PPP3CA: variants seen among roughly 807,000 people sequenced by gnomAD.
PPP3CA encodes protein phosphatase 3 catalytic subunit alpha.
PPP3CA carries 14 observed loss-of-function variants against 66.5 expected under a neutral mutation model. The observed-to-expected ratio is 0.21, with a 90% CI of 0.14 to 0.33. PPP3CA has a LOEUF of 0.33. PPP3CA is among the 10% of genes least tolerant of loss of function. The pLI is 1.00. For synonymous variants in PPP3CA, 232 were observed against 226.2 expected (o/e 1.03, Z -0.23); for missense variants, 317 against 639.5 (o/e 0.50, Z 5.44).
At chr4:101,118,577 G>A (rs922083163) in intron 2 of PPP3CA, among the ~76,000 whole-genome samples, 4 of 151,396 alleles carry the variant, frequency 2.6e-5, no homozygotes, top group African/African-American at 9.7e-5. Flanking sequence ...GTTTTTATGT[G>A]TATTCCTCCT....
At chr4:101,203,437 G>A (rs1260543049) in intron 1 of PPP3CA, among the ~76,000 whole-genome samples, 3 of 152,130 alleles carry the variant, frequency 2.0e-5, no homozygotes, top group Non-Finnish European at 4.4e-5. Context: ...GGAGGCTGCA[G>A]TGAGCCGAGT....
chr4:101,313,166 C>A (rs186832478), intron 1 of PPP3CA, among the ~76,000 whole-genome samples: 2 of 151,846 alleles, frequency 1.3e-5, no homozygotes, highest in African/African-American at 4.8e-5. Context: ...GTTTTTAATA[C>A]CACAAAACTG....
Position 101,061,106 on chromosome 4 carries a change from T to C in PPP3CA, c.1137A>G (p.Ser379=). ...TCTTACCATCAAATCCATCTTCTTC[T>C]GACCCTAGTTCATCATCTGAGCAGA... ...LNICSDDELG[S]EEDGFDGATA... Residue 379 remains serine, a synonymous_variant, in exon 10 of 14, where the codon TCA becomes TCG. Transcript: ENST00000394854. 6.2e-7 allele frequency: 1 copy of C among 1,612,118 alleles called. No homozygotes were observed. The highest frequency in any genetic ancestry group is 1.1e-5 in the South Asian group (1 of 91,056).
chr4:101,072,130 G>T (rs757410778), intron 8 of PPP3CA, among the ~76,000 whole-genome samples: 1 of 152,180 alleles, frequency 6.6e-6, no homozygotes, highest in Non-Finnish European at 1.5e-5. Context: ...TTTAAAGGGA[G>T]AAATGAATTA....
intron 2 of PPP3CA, among the ~76,000 whole-genome samples, chr4:101,137,951 T>C (rs1236917834): frequency 6.6e-6 from 1 of 151,926 alleles, no homozygotes; most frequent in Non-Finnish European, 1.5e-5. Context: ...GCAAGGACTT[T>C]GTCTTTATTA....
Position 101,330,327 on chromosome 4 carries a change from A to T in PPP3CA, c.58+16412T>A, listed in dbSNP as rs1392631169. 6.6e-6 allele frequency: 3 copies of T among 455,122 alleles called. No individual in the cohort carries two copies. In the East Asian group the frequency reaches 2.0e-4, roughly 31 times the overall value. The allele number at this position is 455,122 out of a possible 1,614,324, so 28.2% of individuals were successfully genotyped here. A position where few individuals can be genotyped will look rare whatever the true frequency, so the allele number is the denominator to read the frequency against. On this transcript the variant is annotated intron_variant, in intron 1 of 13. Transcript: ENST00000394854. Reference sequence around the variant, plus strand: ...TTAATGGATAAGGAGTTGCTTCTCAAGGATGAGCAAAGAAGATAGTTTCTT... The same window carrying T: ...TTAATGGATAAGGAGTTGCTTCTCATGGATGAGCAAAGAAGATAGTTTCTT...
intron 13 of PPP3CA, among the ~76,000 whole-genome samples, chr4:101,027,469 A>AGAT (rs1257943214): frequency 6.6e-6 from 1 of 152,168 alleles, no homozygotes; most frequent in African/African-American, 2.4e-5. Context: ...GAGAGGAATA[A>AGAT]GATGCGAAAA....
chr4:101,136,185 A>ATAAGAT (rs955610360), intron 2 of PPP3CA, among the ~76,000 whole-genome samples: 1 of 152,134 alleles, frequency 6.6e-6, no homozygotes. Context: ...TCTTCTTCCC[A>ATAAGAT]TTGACTTTGG....
intron 9 of PPP3CA, among the ~76,000 whole-genome samples, chr4:101,061,942 T>C (rs1439168055): frequency 2.0e-5 from 3 of 152,090 alleles, no homozygotes; most frequent in Admixed American, 2.0e-4. Context: ...TTTAAAGTAA[T>C]ATGCTATTTA....
chr4:101,095,493 T>G (rs747204662), intron 5 of PPP3CA, among the ~76,000 whole-genome samples: 1 of 152,140 alleles, frequency 6.6e-6, no homozygotes, highest in Non-Finnish European at 1.5e-5. Context: ...CTTAATGATA[T>G]GTATGAAAAT....
intron 10 of PPP3CA, among the ~76,000 whole-genome samples, chr4:101,057,757 C>G (rs1728289298): frequency 6.6e-6 from 1 of 152,166 alleles, no homozygotes; most frequent in South Asian, 2.1e-4. Context: ...ATCGTGAATG[C>G]ATAATGTATA....
intron 2 of PPP3CA, among the ~76,000 whole-genome samples, chr4:101,141,528 G>A (rs898874815): frequency 1.3e-5 from 2 of 152,054 alleles, no homozygotes; most frequent in Non-Finnish European, 2.9e-5. Flanking sequence ...CTTACCTCAC[G>A]TCCTTTGCAC....
chr4:101,215,742 A>T (rs1467178588), intron 1 of PPP3CA, among the ~76,000 whole-genome samples: 1 of 152,140 alleles, frequency 6.6e-6, no homozygotes, highest in African/African-American at 2.4e-5. Context: ...TTCTAATTTA[A>T]TAAAGCTAAT....
intron 1 of PPP3CA, among the ~76,000 whole-genome samples, chr4:101,246,205 G>A (rs907296542): frequency 5.3e-5 from 8 of 152,078 alleles, no homozygotes; most frequent in African/African-American, 1.9e-4. Context: ...CATGTAGTAG[G>A]GACTAAATGA....
chr4:101,032,340 C>T lies in PPP3CA; in HGVS notation c.1266G>A (p.Thr422=), dbSNP rs537834173. 60 of 1,613,150 alleles carry T rather than the reference C, an allele frequency of 3.7e-5. No homozygotes were observed. Among genetic ancestry groups the T allele is most frequent in the Admixed American group, 1.3e-4 (8 of 59,930 alleles). ...TGCCAGTTGGGGTCAAGCCTTTCAG[C>T]GTCAGCACACTCTCACTCTCTTCTC... ...VLREESESVL[T]LKGLTPTGML... The change falls in exon 12 of 14, where the codon ACG becomes ACA. Residue 422 remains threonine (T), a synonymous_variant. Transcript: ENST00000394854.
At chr4:101,206,676 T>C (rs1319348606) in intron 1 of PPP3CA, among the ~76,000 whole-genome samples, 1 of 152,222 alleles carries the variant, frequency 6.6e-6, no homozygotes, top group African/African-American at 2.4e-5. Context: ...CCATTGAGTG[T>C]CTAGTCCAGT....
intron 1 of PPP3CA, among the ~76,000 whole-genome samples, chr4:101,344,324 T>C (rs1729910787): frequency 1.3e-5 from 2 of 152,160 alleles, no homozygotes; most frequent in African/African-American, 4.8e-5. Context: ...TTATCTCAAA[T>C]AACTAATAAT....
chr4:101,037,098 T>C (rs994920985), intron 11 of PPP3CA, among the ~76,000 whole-genome samples: 2 of 152,174 alleles, frequency 1.3e-5, no homozygotes, highest in Non-Finnish European at 2.9e-5. Context: ...TACTTGTTCA[T>C]ACTGTGGGGT....
chr4:101,248,106 G>A (rs763493704), intron 1 of PPP3CA, among the ~76,000 whole-genome samples: 93 of 152,288 alleles, frequency 6.1e-4, no homozygotes, highest in African/African-American at 2.2e-3. Flanking sequence ...ACTATCTGTT[G>A]GTTGTTGGCA....
Sources: gnomAD v4.1 joint callset for allele counts (sites outside exome capture counted in the v4.1 genomes callset) on GRCh38, gnomAD v4.1.1 for gene constraint, MANE v1.5 for transcripts, NCBI Gene and HGNC (gene_info 2026-07-23, HGNC 2026-07-21) for gene names.